Variants in CYREN observed in about 807,000 individuals in gnomAD.
CYREN encodes the protein cell cycle regulator of non-homologous end joining.
CYREN carries 7 observed loss-of-function variants against 9.7 expected under a neutral mutation model. That is an observed-to-expected ratio of 0.72 (90% CI 0.41 to 1.36). The LOEUF (loss-of-function observed/expected upper bound fraction) is 1.36. Among genes scored for constraint, CYREN ranks in the 40% most tolerant of loss-of-function variants. The pLI is 0.01. For synonymous variants in CYREN, 76 were observed against 77.9 expected, an observed-to-expected ratio of 0.98 and a Z score of 0.13; for missense variants, 215 against 198.1, an observed-to-expected ratio of 1.09 and a Z score of -0.51.
downstream of CYREN, among the ~76,000 whole-genome samples, chr7:135,161,434 G>C (rs529916028): frequency 3.3e-5 from 5 of 152,156 alleles, no homozygotes; most frequent in Non-Finnish European, 5.9e-5. This position sits in a 1 kb window ranked among gnomAD's most constrained non-coding sequence, Gnocchi z 4.1. Context: ...AGTTGGTCCT[G>C]AACAATGGAG....
chr7:135,128,320 C>T (rs1245270885), intron 2 of CYREN: 1 of 77,926 alleles, frequency 1.3e-5, no homozygotes, highest in Non-Finnish European at 2.5e-5. Flanking sequence ...AAAAAAAAAA[C>T]GAAAAAAAAA....
chr7:135,139,378 TG>T (rs1245832669), intron 2 of CYREN, among the ~76,000 whole-genome samples: 2 of 152,114 alleles, frequency 1.3e-5, no homozygotes, highest in African/African-American at 2.4e-5. Flanking sequence ...GCCATGTGTA[TG>T]TCTTCTCTTG....
At chr7:135,157,370 A>C (rs1485278079) in intron 2 of CYREN, among the ~76,000 whole-genome samples, 1 of 152,182 alleles carries the variant, frequency 6.6e-6, no homozygotes, top group South Asian at 2.1e-4. Context: ...AGTGGGATAG[A>C]GTATGGTAAT....
intron 2 of CYREN, among the ~76,000 whole-genome samples, chr7:135,112,159 G>A (rs4732094): frequency 0.44 from 67,201 of 151,968 alleles, 15,510 homozygotes; most frequent in East Asian, 0.78. Flanking sequence ...TAATGCTACC[G>A]CTAATTCAGA....
At chr7:135,171,326 TAA>T (rs5887722), upstream of CYREN, among the ~76,000 whole-genome samples, 130,529 of 149,236 alleles carry the variant, frequency 0.87, 58,729 homozygotes, top group Non-Finnish European at 0.98. Flanking sequence ...TTTTTTTTTT[TAA>T]AAAAAAAAGG....
At chr7:135,115,149 A>T (rs1417660215) in intron 2 of CYREN, among the ~76,000 whole-genome samples, 1 of 152,010 alleles carries the variant, frequency 6.6e-6, no homozygotes, top group Non-Finnish European at 1.5e-5. Flanking sequence ...ATGGAAATCA[A>T]CCCCTCAAGA....
intron 2 of CYREN, among the ~76,000 whole-genome samples, chr7:135,140,987 T>C (rs1829443501): frequency 1.3e-5 from 2 of 152,178 alleles, no homozygotes; most frequent in Admixed American, 6.6e-5. Flanking sequence ...TTTTCCTCTA[T>C]GTTCATCAAG....
chr7:135,168,769 G>A lies in CYREN; in HGVS notation c.137+17C>T, dbSNP rs907018733. On this transcript the variant is annotated intron_variant, in intron 2 of 3. Coordinates refer to ENST00000393114, the MANE Select transcript of CYREN (RefSeq NM_024033.4). ...CTTGCCAGATTCGCAGGAGTCTTCT[G>A]ACCAGAGCTGTCGCACCTTGCTGCT... The A allele has an allele frequency of 6.2e-7, 1 of 1,612,362 alleles. No individual in the cohort carries two copies. Among genetic ancestry groups the A allele is most frequent in the African/African-American group, 1.3e-5 (1 of 74,854 alleles).
upstream of CYREN, among the ~76,000 whole-genome samples, chr7:135,171,099 C>T (rs1216377438): frequency 2.0e-5 from 3 of 152,212 alleles, 1 homozygote; most frequent in Middle Eastern, 9.5e-3. Flanking sequence ...GATGGGAGCC[C>T]GGCCTCGGTT....
chr7:135,165,097 C>T, downstream of CYREN: 1 of 1,414,108 alleles, frequency 7.1e-7, no homozygotes, highest in Non-Finnish European at 9.5e-7. Flanking sequence ...TCTCCAGCTC[C>T]AGCGATGGAA....
intron 2 of CYREN, among the ~76,000 whole-genome samples, chr7:135,140,153 A>G (rs1170376209): frequency 6.6e-6 from 1 of 152,174 alleles, no homozygotes; most frequent in Non-Finnish European, 1.5e-5. Context: ...TGTTTTGGGC[A>G]GTAAGTCCAT....
At chr7:135,128,343 A>G in intron 2 of CYREN, 1 of 328,750 alleles carries the variant, frequency 3.0e-6, no homozygotes, top group Non-Finnish European at 5.5e-6. Context: ...CAAAACAACA[A>G]GGCATTTGTA....
chr7:135,128,291 C>CAAAAAAAAAAAAAA (rs61217008), intron 2 of CYREN, among the ~76,000 whole-genome samples: 1 of 58,074 alleles, frequency 1.7e-5, no homozygotes. Context: ...GACTCCATCT[C>CAAAAAAAAAAAAAA]AAAAAAAAAA....
intron 3 of CYREN, chr7:135,167,408 C>T (rs886324633): frequency 2.6e-6 from 3 of 1,161,016 alleles, no homozygotes; most frequent in Non-Finnish European, 3.2e-6. Flanking sequence ...CAACTGGGAA[C>T]CTTTCCAAGA....
At chr7:135,169,458 TTCTCTACTCTTCTATGGTGGC>T (rs1356066232) in intron 1 of CYREN, 1 of 152,352 alleles carries the variant, frequency 6.6e-6, no homozygotes, top group African/African-American at 2.4e-5. Context: ...CCAACTCGAT[TTCTCTACTCTTCTATGGTGGC>T]TCAGTTAAAT....
upstream of CYREN, among the ~76,000 whole-genome samples, chr7:135,171,275 G>A (rs1223291543): frequency 6.6e-6 from 1 of 151,658 alleles, no homozygotes; most frequent in Non-Finnish European, 1.5e-5. Flanking sequence ...AGGGAAGAGA[G>A]AGACCCTCTC....
chr7:135,125,998 C>G (rs1413282534), intron 2 of CYREN, among the ~76,000 whole-genome samples: 1 of 152,166 alleles, frequency 6.6e-6, no homozygotes, highest in African/African-American at 2.4e-5. Context: ...CAAGGATGCC[C>G]TCTCTCACCA....
At chr7:135,133,464 A>G (rs1829072585) in intron 2 of CYREN, among the ~76,000 whole-genome samples, 1 of 152,232 alleles carries the variant, frequency 6.6e-6, no homozygotes, top group African/African-American at 2.4e-5. Context: ...TTAAAATAGC[A>G]AAAACAATTT....
At chr7:135,129,064 C>G in intron 2 of CYREN, 1 of 1,608,498 alleles carries the variant, frequency 6.2e-7, no homozygotes, top group Non-Finnish European at 8.5e-7. Flanking sequence ...CTCAACTGCC[C>G]AGAACCAAAG....
Sources: allele counts gnomAD v4.1 joint callset (sites outside exome capture counted in the v4.1 genomes callset), GRCh38; gene constraint gnomAD v4.1.1; non-coding constraint Gnocchi (gnomAD v3.1); transcripts MANE v1.5; gene names NCBI Gene and HGNC (gene_info 2026-07-23, HGNC 2026-07-21).